Variants in PTPRT observed in about 807,000 individuals in gnomAD.
PTPRT encodes the protein receptor-type tyrosine-protein phosphatase T.
A neutral mutation model predicts 176.8 loss-of-function variants in PTPRT; 56 were observed. That is an observed-to-expected ratio of 0.32 (90% CI 0.26 to 0.40). The LOEUF (loss-of-function observed/expected upper bound fraction) is 0.40, where lower values mean the gene tolerates loss of function less well. Ranked by LOEUF, PTPRT falls within the 10% of genes least tolerant of loss-of-function variation. The pLI is 1.00. For missense variants in PTPRT, 1,540 were observed against 1,908.2 expected, an observed-to-expected ratio of 0.81 and a Z score of 3.60; for synonymous variants, 783 against 739.0, an observed-to-expected ratio of 1.06 and a Z score of -0.96.
intron 1 of PTPRT, among the ~76,000 whole-genome samples, chr20:42,954,542 CA>C (rs1981494501): frequency 1.3e-5 from 2 of 152,182 alleles, no homozygotes; most frequent in Non-Finnish European, 2.9e-5. Flanking sequence ...AAGGCAAGCA[CA>C]GCATGTTATC....
chr20:42,239,413 C>CTTTTTTTTTTTTTT (rs35978863), intron 14 of PTPRT, among the ~76,000 whole-genome samples: 1 of 81,202 alleles, frequency 1.2e-5, no homozygotes. Context: ...CATTTTCTTT[C>CTTTTTTTTTTTTTT]TTTTTTTTTT....
the PTPRT span, among the ~76,000 whole-genome samples, chr20:42,065,979 C>G: frequency 1.3e-4 from 20 of 151,212 alleles, no homozygotes; most frequent in South Asian, 1.5e-3. Context: ...GTTAGGCTTC[C>G]TCATATTGAA....
At chr20:43,159,939 C>G (rs564113688) in intron 1 of PTPRT, among the ~76,000 whole-genome samples, 10 of 151,466 alleles carry the variant, frequency 6.6e-5, no homozygotes, top group Admixed American at 1.3e-4. Context: ...AGCTGCTGAG[C>G]TGCTAACAGA....
intron 2 of PTPRT, among the ~76,000 whole-genome samples, chr20:42,867,308 G>A (rs2078763203): frequency 2.0e-5 from 3 of 150,388 alleles, no homozygotes. Flanking sequence ...CTAGTCACTA[G>A]TAGAATTGGC....
intron 9 of PTPRT, among the ~76,000 whole-genome samples, chr20:42,433,577 G>T (rs1300739713): frequency 6.6e-6 from 1 of 152,180 alleles, no homozygotes; most frequent in Admixed American, 6.5e-5. Context: ...TTAGGGAGGA[G>T]TCAGGGCACA....
At chr20:42,572,278 C>T (rs1194445326) in intron 7 of PTPRT, among the ~76,000 whole-genome samples, 16 of 152,160 alleles carry the variant, frequency 1.1e-4, no homozygotes, top group Non-Finnish European at 1.5e-5. Context: ...AAGATATGAA[C>T]TTTGGGGTGG....
chr20:42,350,716 C>T lies in PTPRT; in HGVS notation c.1777G>A (p.Glu593Lys). ...ATKISAPSMP[E>K]YDTDTPLNET... ...TTCAATGGGGTGTCTGTGTCGTACT[C>T]AGGCATGGATGGAGCTGGACAGGAA... The change falls in exon 11 of 31, where the codon GAG (glutamate) becomes AAG (lysine). Residue 593 changes from glutamate to lysine, a missense_variant. Physicochemically the swap from Glu to Lys is moderately conservative, Grantham distance 56. Coordinates refer to ENST00000373187, the MANE Select transcript of PTPRT (RefSeq NM_007050.6). 6.2e-7 allele frequency: 1 copy of T among 1,612,740 alleles called. No homozygotes were observed. The highest frequency in any genetic ancestry group is 8.5e-7 in the Non-Finnish European group (1 of 1,178,800).
intron 1 of PTPRT, among the ~76,000 whole-genome samples, chr20:42,973,481 T>C (rs911678171): frequency 6.6e-6 from 1 of 152,066 alleles, no homozygotes; most frequent in African/African-American, 2.4e-5. Context: ...GTGCATCATA[T>C]TGCTCCATTG....
At chr20:42,987,257 A>G (rs967173084) in intron 1 of PTPRT, among the ~76,000 whole-genome samples, 1 of 152,198 alleles carries the variant, frequency 6.6e-6, no homozygotes, top group African/African-American at 2.4e-5. Flanking sequence ...ACTGCCCTAG[A>G]GGGTGCCTAC....
At chr20:42,145,456 C>T (rs182658307) in intron 17 of PTPRT, among the ~76,000 whole-genome samples, 2 of 152,138 alleles carry the variant, frequency 1.3e-5, no homozygotes, top group African/African-American at 2.4e-5. Flanking sequence ...GCCGAGATCA[C>T]GCCACTGCAC....
the PTPRT span, among the ~76,000 whole-genome samples, chr20:42,062,406 AT>A: frequency 6.6e-6 from 1 of 152,212 alleles, no homozygotes; most frequent in African/African-American, 2.4e-5. Flanking sequence ...ATCAGGAAGA[AT>A]CAGGGCTGCC....
rs755328200 is a variant in PTPRT, at chr20:42,315,977, T to C, written c.1885A>G (p.Lys629Glu). 1 of 1,613,976 alleles carries C rather than the reference T, an allele frequency of 6.2e-7. No individual in the cohort carries two copies. The highest frequency in any genetic ancestry group is 8.5e-7 in the Non-Finnish European group (1 of 1,179,940). The change falls in exon 12 of 31, where the codon AAG (lysine) becomes GAG (glutamate). Residue 629 changes from lysine to glutamate, a missense_variant. Lys to Glu is a moderately conservative substitution (Grantham distance 56). This residue lies in a region of PTPRT where 81 missense variants were observed against 89.9 expected (regional missense o/e 0.90). Transcript: ENST00000373187. Reference protein sequence around the residue: ...APVSVYQLVVKEERLQKSRRA... With the variant: ...APVSVYQLVVEEERLQKSRRA... ...CGTGACTTCTGAAGTCGCTCCTCCT[T>C]GACAACCAGCTGATAAACACTGGAC...
chr20:42,859,808 C>T (rs149226345), intron 2 of PTPRT, among the ~76,000 whole-genome samples: 4 of 150,876 alleles, frequency 2.7e-5, no homozygotes, highest in Admixed American at 6.6e-5. Context: ...TAGCCAGAAT[C>T]GTCTCTATCT....
chr20:42,666,773 A>G lies in PTPRT; in HGVS notation c.1153+11093T>C, dbSNP rs116777349. Among the ~76,000 whole-genome samples, 704 of 152,324 alleles carry G rather than the reference A, an allele frequency of 4.6e-3. 7 individuals are homozygous for G. The highest frequency in any genetic ancestry group is 0.044 in the Middle Eastern group (13 of 294). ...GCTTACACTTAAGTGTTTATACTGT[A>G]ATTACATTTAAGAATAGGATACATT... On this transcript the variant is annotated intron_variant, in intron 7 of 30. Transcript: ENST00000373187.
chr20:42,248,930 A>G, intron 13 of PTPRT, 108 bp from the exon 14 acceptor site: 1 of 1,347,632 alleles, frequency 7.4e-7, no homozygotes, highest in Non-Finnish European at 1.0e-6. Flanking sequence ...ACTATGTGCC[A>G]GGCACTGTGC....
intron 1 of PTPRT, among the ~76,000 whole-genome samples, chr20:42,937,440 A>G (rs1980261246): frequency 6.6e-6 from 1 of 152,236 alleles, no homozygotes; most frequent in Non-Finnish European, 1.5e-5. Flanking sequence ...TGAGCCAGAC[A>G]GTCTCTCCCT....
intron 1 of PTPRT, among the ~76,000 whole-genome samples, chr20:43,123,673 G>A (rs1321683324): frequency 6.6e-6 from 1 of 152,154 alleles, no homozygotes; most frequent in East Asian, 1.9e-4. Context: ...TTTTACAAGA[G>A]GCAGAAATCA....
intron 1 of PTPRT, among the ~76,000 whole-genome samples, chr20:42,934,396 A>T (rs1980046780): frequency 6.6e-6 from 1 of 152,236 alleles, no homozygotes; most frequent in African/African-American, 2.4e-5. Context: ...AATTTCCCTA[A>T]AACTGAGCAG....
chr20:42,862,948 AC>A (rs1412388093), intron 2 of PTPRT, among the ~76,000 whole-genome samples: 1 of 152,196 alleles, frequency 6.6e-6, no homozygotes, highest in Non-Finnish European at 1.5e-5. Context: ...ACTAACCCAT[AC>A]AGAGACACTG....
Sources: allele counts gnomAD v4.1 joint callset (sites outside exome capture counted in the v4.1 genomes callset), GRCh38; gene constraint gnomAD v4.1.1; regional missense constraint gnomAD v4.1.1; transcripts MANE v1.5; gene names NCBI Gene and HGNC (gene_info 2026-07-23, HGNC 2026-07-21).